The following RBFOX1 variants were observed in gnomAD, a reference collection of about 807,000 sequenced individuals.
The protein encoded by RBFOX1 is RNA binding fox-1 homolog 1, also known as RNA binding protein fox-1 homolog 1.
A neutral mutation model predicts 57.7 loss-of-function variants in RBFOX1; 8 were observed. The observed-to-expected ratio is 0.14, with a 90% confidence interval of 0.08 to 0.25. The LOEUF (loss-of-function observed/expected upper bound fraction) is 0.25, where lower values mean the gene tolerates loss of function less well. RBFOX1 is among the 10% of genes least tolerant of loss of function. The pLI is 1.00. For synonymous variants in RBFOX1, 326 were observed against 222.4 expected (o/e 1.47, Z -4.15); for missense variants, 611 against 548.5 (o/e 1.11, Z -1.14).
intron 2 of RBFOX1, among the ~76,000 whole-genome samples, chr16:5,584,133 A>G (rs1809818302): frequency 6.6e-6 from 1 of 152,190 alleles, no homozygotes; most frequent in African/African-American, 2.4e-5. Context: ...CCCTGGGCAG[A>G]TTGAATAAAA....
intron 2 of RBFOX1, among the ~76,000 whole-genome samples, chr16:6,534,769 C>A (rs2096712564): frequency 6.6e-6 from 1 of 152,130 alleles, no homozygotes; most frequent in Non-Finnish European, 1.5e-5. Context: ...CATTTCTATG[C>A]ACTTTGACTG....
chr16:7,256,865 C>T (rs974956253), intron 4 of RBFOX1, among the ~76,000 whole-genome samples: 1 of 152,112 alleles, frequency 6.6e-6, no homozygotes, highest in South Asian at 2.1e-4. Flanking sequence ...CTTCCCTATC[C>T]CCACTAGGGC....
At chr16:7,123,051 G>A (rs1000987730) in intron 4 of RBFOX1, among the ~76,000 whole-genome samples, 2 of 152,066 alleles carry the variant, frequency 1.3e-5, no homozygotes, top group African/African-American at 2.4e-5. Context: ...AGGGGTTGGG[G>A]GGAGGGTAGT....
In RBFOX1 at chr16:6,562,739, A is replaced by G. The variant is rs145667279; in HGVS notation, c.-63-91864A>G. 5.9e-5 allele frequency among the ~76,000 whole-genome samples: 9 copies of G among 152,290 alleles called. No homozygotes were observed. In the East Asian group the frequency reaches 1.7e-3, roughly 29 times the overall value. ...GCCCTTTAAAACTCCTTGGAGGTTC[A>G]CATTCTGCACAAGTTGCTTTTTTTC... On this transcript the variant is annotated intron_variant, in intron 2 of 15. Coordinates refer to ENST00000550418, the MANE Select transcript of RBFOX1 (RefSeq NM_018723.4).
intron 4 of RBFOX1, among the ~76,000 whole-genome samples, chr16:7,221,991 A>T (rs987537515): frequency 6.6e-6 from 1 of 152,234 alleles, no homozygotes; most frequent in Non-Finnish European, 1.5e-5. Flanking sequence ...GGAGAGAGGC[A>T]GCATTTTATT....
intron 1 of RBFOX1, among the ~76,000 whole-genome samples, chr16:6,199,415 G>T (rs1215679756): frequency 1.3e-5 from 2 of 152,162 alleles, no homozygotes; most frequent in African/African-American, 4.8e-5. Flanking sequence ...TTAATGGGAA[G>T]TTCATTTTGT....
intron 4 of RBFOX1, among the ~76,000 whole-genome samples, chr16:5,887,545 G>T (rs115074470): frequency 6.6e-6 from 1 of 152,144 alleles, no homozygotes; most frequent in African/African-American, 2.4e-5. Flanking sequence ...GGGATTACAG[G>T]CACTCCCCAA....
chr16:6,766,654 T>A (rs2077374252), intron 3 of RBFOX1, among the ~76,000 whole-genome samples: 1 of 152,088 alleles, frequency 6.6e-6, no homozygotes, highest in Admixed American at 6.5e-5. Context: ...TTTTAAATTC[T>A]ATCTAATTAG....
chr16:6,976,885 CACAT>C (rs2087053931), intron 3 of RBFOX1, among the ~76,000 whole-genome samples: 1 of 138,410 alleles, frequency 7.2e-6, no homozygotes. Flanking sequence ...ATATCCATAT[CACAT>C]ATATGGTGTA....
intron 4 of RBFOX1, among the ~76,000 whole-genome samples, chr16:7,253,321 G>A (rs772927435): frequency 6.6e-6 from 1 of 152,132 alleles, no homozygotes; most frequent in African/African-American, 2.4e-5. Flanking sequence ...GATGTCAGTG[G>A]CAACAAGGAA....
At chr16:5,530,662 A>T (rs2044430759) in intron 2 of RBFOX1, among the ~76,000 whole-genome samples, 1 of 152,204 alleles carries the variant, frequency 6.6e-6, no homozygotes, top group South Asian at 2.1e-4. Flanking sequence ...ATGAGAGACC[A>T]GCAGCAGCCA....
chr16:7,453,124 G>C (rs995552114), intron 4 of RBFOX1, among the ~76,000 whole-genome samples: 1 of 105,824 alleles, frequency 9.4e-6, no homozygotes, highest in African/African-American at 3.8e-5. Flanking sequence ...GAGAGGCTTT[G>C]TCTCAAAAAA....
At chr16:7,708,997 T>C (rs1202919853) in intron 14 of RBFOX1, 59 bp from the exon 15 acceptor site, 2 of 1,494,076 alleles carry the variant, frequency 1.3e-6, no homozygotes, top group African/African-American at 1.4e-5. Flanking sequence ...GATTTTATGA[T>C]TGTTATTGTT....
At chr16:5,902,466 C>T (rs916199844) in intron 4 of RBFOX1, among the ~76,000 whole-genome samples, 4 of 151,902 alleles carry the variant, frequency 2.6e-5, no homozygotes, top group East Asian at 1.9e-4. Flanking sequence ...CAGACTGGAG[C>T]GTAGTGATGC....
At chr16:5,262,105 C>G (rs1343694254) in intron 1 of RBFOX1, among the ~76,000 whole-genome samples, 1 of 152,144 alleles carries the variant, frequency 6.6e-6, no homozygotes. Context: ...GCAACTAATT[C>G]TATTAATATT....
At chr16:5,440,764 A>G (rs554980697) in intron 1 of RBFOX1, among the ~76,000 whole-genome samples, 7 of 152,194 alleles carry the variant, frequency 4.6e-5, no homozygotes, top group African/African-American at 1.7e-4. Context: ...GATAAATTCA[A>G]GGGTAGTTAT....
chr16:7,684,138 C>G (rs1409264660), intron 14 of RBFOX1, among the ~76,000 whole-genome samples: 3 of 152,108 alleles, frequency 2.0e-5, no homozygotes, highest in Admixed American at 1.3e-4. Flanking sequence ...GAACTGATTT[C>G]TATTTCAATG....
At chr16:7,281,313 T>C (rs1157065753) in intron 4 of RBFOX1, among the ~76,000 whole-genome samples, 1 of 151,706 alleles carries the variant, frequency 6.6e-6, no homozygotes, top group Non-Finnish European at 1.5e-5. Context: ...CAATTGCATG[T>C]GTATTTAATG....
intron 3 of RBFOX1, among the ~76,000 whole-genome samples, chr16:6,890,903 A>C (rs779953456): frequency 6.6e-5 from 10 of 152,216 alleles, no homozygotes; most frequent in Non-Finnish European, 1.2e-4. Flanking sequence ...TGAAGTGAGC[A>C]TGAAGTGAGA....
Sources: gnomAD v4.1 joint callset for allele counts (sites outside exome capture counted in the v4.1 genomes callset) on GRCh38, gnomAD v4.1.1 for gene constraint, MANE v1.5 for transcripts, NCBI Gene and HGNC (gene_info 2026-07-23, HGNC 2026-07-21) for gene names.